VEPH1: variants seen among roughly 807,000 people sequenced by gnomAD.
The protein encoded by VEPH1 is ventricular zone-expressed PH domain-containing protein homolog 1.
VEPH1 carries 80 observed loss-of-function variants against 85.2 expected under a neutral mutation model. The ratio of observed to expected loss-of-function variants is 0.94; its 90% confidence interval spans 0.78 to 1.13. The LOEUF (loss-of-function observed/expected upper bound fraction) is 1.13. Among genes scored for constraint, VEPH1 ranks in the 50% most tolerant of loss-of-function variants. The probability of loss-of-function intolerance (pLI) is 0.00; values close to 1 mark genes in which losing one functional copy is unlikely to be tolerated. For synonymous variants in VEPH1, 297 were observed against 348.0 expected, an observed-to-expected ratio of 0.85 and a Z score of 1.63; for missense variants, 955 against 980.5, an observed-to-expected ratio of 0.97 and a Z score of 0.35.
chr3:157,459,828 C>A lies in VEPH1; in HGVS notation c.529+353G>T, dbSNP rs558018747. 13 of 1,502,186 alleles carry A rather than the reference C, an allele frequency of 8.7e-6. No homozygotes were observed. The East Asian group carries it at 1.5e-4, about 17-fold the overall frequency. 93.1% of individuals were successfully genotyped at this position (1,502,186 alleles called of 1,614,324 possible). Reference sequence around the variant, plus strand: ...AGCAAATGAAGACAGGTTTTTCATACCCCACTGAGTGACGTGTTCCACTCA... The same window carrying A: ...AGCAAATGAAGACAGGTTTTTCATAACCCACTGAGTGACGTGTTCCACTCA... On this transcript the variant is annotated intron_variant, in intron 4 of 13. Transcript: ENST00000362010.
At chr3:157,422,922 T>C (rs988709000) in intron 5 of VEPH1, among the ~76,000 whole-genome samples, 2 of 150,474 alleles carry the variant, frequency 1.3e-5, no homozygotes, top group Non-Finnish European at 2.9e-5. Flanking sequence ...TGATGCTGCC[T>C]TTTATAAAAA....
chr3:157,350,044 A>C (rs1432972012), intron 9 of VEPH1, among the ~76,000 whole-genome samples: 2 of 152,190 alleles, frequency 1.3e-5, no homozygotes, highest in East Asian at 3.8e-4. Flanking sequence ...GGAACCATAA[A>C]AGACCCCAAA....
intron 9 of VEPH1, among the ~76,000 whole-genome samples, chr3:157,324,156 G>T (rs1721642403): frequency 6.6e-6 from 1 of 152,042 alleles, no homozygotes; most frequent in African/African-American, 2.4e-5. Flanking sequence ...CCAGGTTCAA[G>T]GATTCTCCTG....
chr3:157,296,642 C>T (rs1453898384), intron 11 of VEPH1, among the ~76,000 whole-genome samples: 1 of 152,156 alleles, frequency 6.6e-6, no homozygotes, highest in Non-Finnish European at 1.5e-5. Context: ...GAAAACCAAA[C>T]AAAACAAAGC....
chr3:157,477,181 T>G (rs2109539923), intron 2 of VEPH1, among the ~76,000 whole-genome samples: 1 of 148,680 alleles, frequency 6.7e-6, no homozygotes, highest in East Asian at 2.0e-4. Context: ...CTCTGGAGGC[T>G]CTGAGGGCAT....
At chr3:157,296,027 C>T (rs563368638) in intron 11 of VEPH1, among the ~76,000 whole-genome samples, 9 of 152,162 alleles carry the variant, frequency 5.9e-5, no homozygotes, top group South Asian at 2.1e-4. Context: ...CTGAAATGAA[C>T]GAGCTAGCTC....
chr3:157,351,788 C>T (rs1027664914), intron 9 of VEPH1, among the ~76,000 whole-genome samples: 9 of 152,240 alleles, frequency 5.9e-5, no homozygotes, highest in African/African-American at 1.9e-4. Flanking sequence ...TCTGTTGCAG[C>T]GTTTTTCAAC....
At chr3:157,300,241 C>A (rs929792836) in intron 11 of VEPH1, among the ~76,000 whole-genome samples, 1 of 152,174 alleles carries the variant, frequency 6.6e-6, no homozygotes, top group Admixed American at 6.5e-5. Flanking sequence ...AGAACCCAAC[C>A]ACTATTAGAT....
intron 5 of VEPH1, among the ~76,000 whole-genome samples, chr3:157,421,236 T>C (rs1353629506): frequency 6.6e-6 from 1 of 152,120 alleles, no homozygotes; most frequent in Non-Finnish European, 1.5e-5. Flanking sequence ...TAGTCAGCTT[T>C]ATGTAGAGAA....
At chr3:157,430,801 A>C (rs1733089270) in intron 4 of VEPH1, among the ~76,000 whole-genome samples, 1 of 152,196 alleles carries the variant, frequency 6.6e-6, no homozygotes, top group South Asian at 2.1e-4. Context: ...AGTTGTATTC[A>C]TTTTCTATAG....
intron 1 of VEPH1, among the ~76,000 whole-genome samples, chr3:157,499,233 C>A (rs1272037236): frequency 6.7e-6 from 1 of 149,546 alleles, no homozygotes; most frequent in Admixed American, 6.8e-5. Context: ...TAATCTGAGG[C>A]CCACCTTCTC....
At chr3:157,467,125 A>G (rs117993645) in intron 3 of VEPH1, among the ~76,000 whole-genome samples, 74 of 145,438 alleles carry the variant, frequency 5.1e-4, no homozygotes, top group Admixed American at 1.6e-3. Context: ...GTGTGTGTGT[A>G]TGTGTGTGTG....
chr3:157,317,805 G>C (rs911887638), intron 9 of VEPH1, among the ~76,000 whole-genome samples: 1 of 152,084 alleles, frequency 6.6e-6, no homozygotes, highest in Admixed American at 6.5e-5. Context: ...ACCATGTGTA[G>C]AGAAAGAAAT....
Position 157,265,596 on chromosome 3 carries a change from A to T in VEPH1, c.2195T>A (p.Phe732Tyr), listed in dbSNP as rs760034597. ...KLKEKQVRWK[F>Y]IKRWKTRYFT... ...ATAGCGTGTTTTCCACCTTTTGATG[A>T]ACTTCCATCTGACTTGCTTCTCTTT... The change falls in exon 13 of 14, where the codon TTC becomes TAC. Residue 732 changes from phenylalanine to tyrosine, a missense_variant. By Grantham distance (22) the Phe-to-Tyr change is conservative. Transcript: ENST00000362010. 1.9e-6 allele frequency: 3 copies of T among 1,613,810 alleles called. No individual in the cohort carries two copies. In the East Asian group the frequency reaches 6.7e-5, roughly 36 times the overall value.
rs772976131 is a variant in VEPH1 at position 157,261,211 on chromosome 3, C to A, written c.2425G>T (p.Glu809Ter). The A allele has an allele frequency of 6.2e-7, 1 of 1,613,694 alleles. No individual in the cohort carries two copies. Reference protein sequence around the residue: ...FKAKDEKNAEEWLQCINVAVA... With the variant: ...FKAKDEKNAE ...GCCACGTTGATGCACTGGAGCCATT[C>A]TTCTGCATTCTTCTCATCCTTGGCC... The change falls in exon 14 of 14, where the codon GAA becomes TAA. Residue 809 changes from glutamate to a stop codon, truncating the protein, a stop_gained. Transcript: ENST00000362010. LOFTEE classifies it high-confidence loss of function.
intron 10 of VEPH1, among the ~76,000 whole-genome samples, chr3:157,314,104 G>A (rs1720445117): frequency 6.6e-6 from 1 of 151,838 alleles, no homozygotes; most frequent in Non-Finnish European, 1.5e-5. Flanking sequence ...AGGCTGAGGT[G>A]GGTGGATCAC....
chr3:157,353,144 C>A (rs559319712), intron 9 of VEPH1, among the ~76,000 whole-genome samples: 1 of 152,292 alleles, frequency 6.6e-6, no homozygotes, highest in Non-Finnish European at 1.5e-5. Context: ...AAGTTACCTG[C>A]ATCTCTGTTA....
chr3:157,430,109 G>T (rs1467142633), intron 4 of VEPH1, among the ~76,000 whole-genome samples: 1 of 152,110 alleles, frequency 6.6e-6, no homozygotes, highest in Non-Finnish European at 1.5e-5. Flanking sequence ...AGGAACATTG[G>T]TGTGCCTACC....
chr3:157,387,933 G>A (rs1190120282), intron 6 of VEPH1, among the ~76,000 whole-genome samples: 1 of 152,146 alleles, frequency 6.6e-6, no homozygotes. Flanking sequence ...ATTTGCTGAT[G>A]TAGGAAATGT....
Sources: allele counts gnomAD v4.1 joint callset (sites outside exome capture counted in the v4.1 genomes callset), GRCh38; gene constraint gnomAD v4.1.1; transcripts MANE v1.5; gene names NCBI Gene and HGNC (gene_info 2026-07-23, HGNC 2026-07-21).